Variants in ARHGEF37 observed in about 807,000 individuals in gnomAD.
The protein encoded by ARHGEF37 is Rho guanine nucleotide exchange factor (GEF) 37.
A neutral mutation model predicts 71.1 loss-of-function variants in ARHGEF37; 55 were observed. That is an observed-to-expected ratio of 0.77 (90% CI 0.62 to 0.97). The LOEUF (loss-of-function observed/expected upper bound fraction) is 0.97, where lower values mean the gene tolerates loss of function less well. Ranked by LOEUF, ARHGEF37 falls within the 50% of genes least tolerant of loss-of-function variation. The probability of loss-of-function intolerance (pLI) is 0.00; values close to 1 mark genes in which losing one functional copy is unlikely to be tolerated. For synonymous variants in ARHGEF37, 327 were observed against 350.6 expected, an observed-to-expected ratio of 0.93 and a Z score of 0.75; for missense variants, 765 against 836.8, an observed-to-expected ratio of 0.91 and a Z score of 1.06.
intron 11 of ARHGEF37, among the ~76,000 whole-genome samples, chr5:149,627,943 G>T (rs923275764): frequency 1.3e-5 from 2 of 152,210 alleles, no homozygotes; most frequent in African/African-American, 4.8e-5. Flanking sequence ...GCATTTTAAT[G>T]TGTATTAGAA....
chr5:149,598,744 ATATATC>A (rs1392706365), intron 2 of ARHGEF37, among the ~76,000 whole-genome samples: 44 of 75,704 alleles, frequency 5.8e-4, no homozygotes, highest in South Asian at 1.2e-3. Context: ...TCTCATATAT[ATATATC>A]TATATATAGA....
intron 12 of ARHGEF37, 25 bp downstream of exon 12, chr5:149,628,991 C>T (rs749729826): frequency 4.4e-6 from 7 of 1,601,174 alleles, no homozygotes; most frequent in African/African-American, 1.3e-5. Context: ...GGGCTGGGGG[C>T]TTGCCTCCCA....
At chr5:149,578,874 G>A (rs577460233), upstream of ARHGEF37, among the ~76,000 whole-genome samples, 29 of 152,192 alleles carry the variant, frequency 1.9e-4, no homozygotes, top group Non-Finnish European at 3.5e-4. Flanking sequence ...GTAGATTGCC[G>A]CTCTTCAAAA....
chr5:149,616,430 A>G, intron 4 of ARHGEF37, 137 bp from the exon 5 acceptor site: 3 of 751,154 alleles, frequency 4.0e-6, no homozygotes, highest in Non-Finnish European at 4.2e-6. Flanking sequence ...CAGATGAGGA[A>G]CTGGAGGATC....
At chr5:149,622,917 T>C (rs562607312) in intron 9 of ARHGEF37, among the ~76,000 whole-genome samples, 86 of 152,330 alleles carry the variant, frequency 5.6e-4, no homozygotes, top group Non-Finnish European at 1.1e-3. Context: ...TCACACACTG[T>C]TTCCTGTGTG....
At position 149,597,875 on chromosome 5, in the gene ARHGEF37, C is replaced by T. The variant is rs768240553; in HGVS notation, c.106C>T (p.Arg36Trp). The T allele has an allele frequency of 6.0e-5, 96 of 1,609,552 alleles. No individual in the cohort carries two copies. Among genetic ancestry groups the T allele is most frequent in the Middle Eastern group, 1.6e-4 (1 of 6,076 alleles). The change falls in exon 2 of 13, where the codon CGG (arginine) becomes TGG (tryptophan). Residue 36 changes from arginine (R) to tryptophan (W), a missense_variant. Physicochemically the swap from Arg to Trp is moderately radical, Grantham distance 101 (BLOSUM62 -3). This residue lies in a region of ARHGEF37 where 201 missense variants were observed against 217.5 expected (regional missense o/e 0.92). Coordinates refer to ENST00000333677, the MANE Select transcript of ARHGEF37 (RefSeq NM_001001669.3). ...RSLLHQRLAV[R>W]ELIDTEVSYL... ...GCTGCTTCATCAGAGGCTGGCTGTC[C>T]GGGAGCTCATCGACACTGAGGTCTC...
chr5:149,601,268 T>G (rs970292515), intron 3 of ARHGEF37, 37 bp downstream of exon 3: 4 of 1,599,402 alleles, frequency 2.5e-6, no homozygotes, highest in Middle Eastern at 1.7e-4. Context: ...AGCCTTAGAT[T>G]CTCATGGAAC....
rs538864240 is a variant in ARHGEF37, at chr5:149,598,824, A to G, written c.186+869A>G. 4.0e-5 allele frequency among the ~76,000 whole-genome samples: 6 copies of G among 149,426 alleles called. No homozygotes were observed. The South Asian group carries it at 6.3e-4, about 16-fold the overall frequency. Reference sequence around the variant, plus strand: ...GATATATATATGTGTGTGTGTGTGTATATATATATGTATATTTATATTTAT... The same window carrying G: ...GATATATATATGTGTGTGTGTGTGTGTATATATATGTATATTTATATTTAT... On this transcript the variant is annotated intron_variant, in intron 2 of 12. Coordinates refer to ENST00000333677, the MANE Select transcript of ARHGEF37 (RefSeq NM_001001669.3).
intron 4 of ARHGEF37, among the ~76,000 whole-genome samples, chr5:149,613,501 C>G (rs989935965): frequency 1.3e-5 from 2 of 152,122 alleles, no homozygotes; most frequent in Middle Eastern, 6.8e-3. Flanking sequence ...AGTGCGCCAC[C>G]ACGCCCGGCT....
chr5:149,610,252 A>G (rs1561801100), intron 4 of ARHGEF37, among the ~76,000 whole-genome samples: 1 of 152,138 alleles, frequency 6.6e-6, no homozygotes, highest in Non-Finnish European at 1.5e-5. Context: ...GTGTTCCCAT[A>G]GTGATAAGAA....
intron 1 of ARHGEF37, among the ~76,000 whole-genome samples, chr5:149,583,552 G>A (rs141518957): frequency 1.1e-3 from 172 of 152,324 alleles, no homozygotes; most frequent in Non-Finnish European, 1.7e-3. Flanking sequence ...AGGAGTTGCT[G>A]GCAGTTGGCT....
intron 1 of ARHGEF37, among the ~76,000 whole-genome samples, chr5:149,595,994 T>TGG (rs34871504): frequency 3.4e-4 from 51 of 150,712 alleles, no homozygotes; most frequent in South Asian, 6.3e-4. Flanking sequence ...TCCTTGTGGC[T>TGG]GGGGGGGTCC....
intron 1 of ARHGEF37, among the ~76,000 whole-genome samples, chr5:149,572,253 A>G (rs1489985537): frequency 6.6e-6 from 1 of 152,220 alleles, no homozygotes; most frequent in Admixed American, 6.5e-5. Flanking sequence ...CTATATGAAG[A>G]GAATATATAG....
chr5:149,618,307 G>A lies in ARHGEF37; in HGVS notation c.789+1G>A. 1 of 1,614,124 alleles carries A rather than the reference G, an allele frequency of 6.2e-7. No individual in the cohort carries two copies. On this transcript the variant is annotated splice_donor_variant, in intron 6 of 12. Coordinates refer to ENST00000333677, the MANE Select transcript of ARHGEF37 (RefSeq NM_001001669.3). LOFTEE classifies it high-confidence loss of function. ...GCAGGAGGCGGGGCTGATCCCCAGG[G>A]TGAGCGTGCGCCTGGGAGGAAGAGT...
chr5:149,608,997 C>T (rs979961451), intron 3 of ARHGEF37, among the ~76,000 whole-genome samples: 2 of 151,906 alleles, frequency 1.3e-5, no homozygotes, highest in Non-Finnish European at 2.9e-5. Flanking sequence ...CCAGCCTGGC[C>T]AACATGGTGA....
At chr5:149,626,258 A>T (rs1752681389) in intron 10 of ARHGEF37, among the ~76,000 whole-genome samples, 1 of 148,174 alleles carries the variant, frequency 6.7e-6, no homozygotes, top group Non-Finnish European at 1.5e-5. Context: ...ACACACACAC[A>T]CACACACACA....
At chr5:149,618,685 G>A (rs28469375) in intron 6 of ARHGEF37, among the ~76,000 whole-genome samples, 38,159 of 151,978 alleles carry the variant, frequency 0.25, 5,219 homozygotes, top group Admixed American at 0.38. Flanking sequence ...CAGAAACTCC[G>A]AGAGGGTAAA....
intron 11 of ARHGEF37, among the ~76,000 whole-genome samples, chr5:149,627,730 T>C (rs1752738606): frequency 6.6e-6 from 1 of 152,208 alleles, no homozygotes; most frequent in African/African-American, 2.4e-5. Flanking sequence ...GTCATGGCCT[T>C]GGGAAGTGCT....
chr5:149,552,712 C>A (rs1762697440), intron 1 of ARHGEF37, among the ~76,000 whole-genome samples: 1 of 152,024 alleles, frequency 6.6e-6, no homozygotes, highest in African/African-American at 2.4e-5. Context: ...ATGGCGCACA[C>A]TTGTAACCCC....
Sources: gnomAD v4.1 joint callset for allele counts (sites outside exome capture counted in the v4.1 genomes callset) on GRCh38, gnomAD v4.1.1 for gene constraint, gnomAD v4.1.1 regional missense constraint, MANE v1.5 for transcripts, NCBI Gene and HGNC (gene_info 2026-07-23, HGNC 2026-07-21) for gene names.